SH3BGRL: variants seen among roughly 807,000 people sequenced by gnomAD.
SH3BGRL encodes the protein SH3 domain binding glutamate rich protein like.
Under a neutral mutation model 9.8 loss-of-function variants are expected in SH3BGRL, and 7 were observed. The ratio of observed to expected loss-of-function variants is 0.72; its 90% confidence interval spans 0.41 to 1.35. The LOEUF (loss-of-function observed/expected upper bound fraction) is 1.35, where lower values mean the gene tolerates loss of function less well. Among genes scored for constraint, SH3BGRL ranks in the 40% most tolerant of loss-of-function variants. The pLI is 0.01. For synonymous variants in SH3BGRL, 36 were observed against 29.1 expected, an observed-to-expected ratio of 1.24 and a Z score of -0.76; for missense variants, 73 against 84.4, an observed-to-expected ratio of 0.86 and a Z score of 0.53.
chrX:81,294,995 G>A (rs939550243), intron 3 of SH3BGRL, among the ~76,000 whole-genome samples: 2 of 112,238 alleles, frequency 1.8e-5, no homozygotes, highest in African/African-American at 3.2e-5. Context: ...TGGAACATCT[G>A]TATTTACCCA....
rs534720545 is a variant in SH3BGRL, at chrX:81,223,557, T to C, written c.45+21312T>C. ...GTCTGATGATTTTTTTTTTCTTTTC[T>C]ACCTCTCTTCTCTTTTTAGGAAGCT... On this transcript the variant is annotated intron_variant, in intron 1 of 3. Transcript: ENST00000373212. 2.7e-5 allele frequency among the ~76,000 whole-genome samples: 3 copies of C among 111,506 alleles called. No homozygotes were observed. The South Asian group carries it at 1.1e-3, about 42-fold the overall frequency.
At chrX:81,270,041 G>A (rs1230968796) in intron 1 of SH3BGRL, among the ~76,000 whole-genome samples, 1 of 110,357 alleles carries the variant, frequency 9.1e-6, no homozygotes, top group Non-Finnish European at 1.9e-5. Flanking sequence ...GCTTCACGAA[G>A]TTCTTGTTCT....
At chrX:81,241,087 G>A (rs1039372390) in intron 1 of SH3BGRL, among the ~76,000 whole-genome samples, 5 of 112,816 alleles carry the variant, frequency 4.4e-5, no homozygotes, top group African/African-American at 1.6e-4. Flanking sequence ...CGCTCCTGGT[G>A]CCTGCTCTTG....
At chrX:81,243,919 C>T (rs775350045) in intron 1 of SH3BGRL, among the ~76,000 whole-genome samples, 17 of 111,020 alleles carry the variant, frequency 1.5e-4, no homozygotes, top group South Asian at 1.5e-3. Flanking sequence ...AAATGGTGAA[C>T]GAAATTTGAC....
At chrX:81,276,359 A>G (rs1482889620) in intron 1 of SH3BGRL, among the ~76,000 whole-genome samples, 2 of 108,662 alleles carry the variant, frequency 1.8e-5, no homozygotes, top group African/African-American at 6.7e-5. Flanking sequence ...TTTTGCACCA[A>G]CCTAATACAT....
intron 1 of SH3BGRL, among the ~76,000 whole-genome samples, chrX:81,224,126 C>T (rs1429394032): frequency 8.9e-6 from 1 of 111,935 alleles, no homozygotes; most frequent in Non-Finnish European, 1.9e-5. Context: ...GTTCAATTTC[C>T]AGAAAAATTT....
chrX:81,241,702 A>T (rs1054161327), intron 1 of SH3BGRL, among the ~76,000 whole-genome samples: 1 of 111,236 alleles, frequency 9.0e-6, no homozygotes, highest in Non-Finnish European at 1.9e-5. Context: ...CCCTTTGGGG[A>T]CCCCAGACTT....
At chrX:81,231,980 G>T (rs757864866) in intron 1 of SH3BGRL, among the ~76,000 whole-genome samples, 2 of 110,616 alleles carry the variant, frequency 1.8e-5, no homozygotes, top group African/African-American at 6.6e-5. Flanking sequence ...ACACACACAC[G>T]TATATGTATA....
chrX:81,227,386 T>A (rs1278037902), intron 1 of SH3BGRL, among the ~76,000 whole-genome samples: 2 of 111,864 alleles, frequency 1.8e-5, no homozygotes, highest in African/African-American at 6.5e-5. Flanking sequence ...ACAAACAAAA[T>A]GTTCTGTTCT....
intron 1 of SH3BGRL, among the ~76,000 whole-genome samples, chrX:81,243,330 A>G (rs761780282): frequency 8.9e-6 from 1 of 112,177 alleles, no homozygotes; most frequent in East Asian, 2.8e-4. Flanking sequence ...GGAATCTAAA[A>G]TTCAAAACAA....
At chrX:81,271,031 C>T (rs1250385223) in intron 1 of SH3BGRL, among the ~76,000 whole-genome samples, 2 of 112,298 alleles carry the variant, frequency 1.8e-5, no homozygotes, top group East Asian at 2.8e-4. Context: ...AGCAAGGCTC[C>T]GTGGGCATGG....
chrX:81,248,509 C>G (rs1354726015), intron 1 of SH3BGRL, among the ~76,000 whole-genome samples: 1 of 112,135 alleles, frequency 8.9e-6, no homozygotes, highest in African/African-American at 3.2e-5. Context: ...CTTCCCTACC[C>G]AGGCTTGTGA....
At chrX:81,271,007 C>A (rs1011205537) in intron 1 of SH3BGRL, among the ~76,000 whole-genome samples, 6 of 112,287 alleles carry the variant, frequency 5.3e-5, no homozygotes, top group Non-Finnish European at 1.1e-4. Flanking sequence ...TCTCAGACTG[C>A]TGCACTAGCA....
At chrX:81,215,769 A>G (rs2075579502) in intron 1 of SH3BGRL, among the ~76,000 whole-genome samples, 1 of 111,781 alleles carries the variant, frequency 8.9e-6, no homozygotes, top group Non-Finnish European at 1.9e-5. Flanking sequence ...TTATTAGTTC[A>G]GTTGAACTGT....
At chrX:81,250,445 A>G (rs774813609) in intron 1 of SH3BGRL, among the ~76,000 whole-genome samples, 2 of 111,237 alleles carry the variant, frequency 1.8e-5, no homozygotes, top group Admixed American at 1.9e-4. Context: ...GAAAGAAAAA[A>G]ATAGTCTTAG....
intron 1 of SH3BGRL, among the ~76,000 whole-genome samples, chrX:81,229,247 G>A (rs1484946881): frequency 9.0e-6 from 1 of 111,204 alleles, no homozygotes; most frequent in Non-Finnish European, 1.9e-5. Context: ...GCATGCATAT[G>A]GGCAGGCTGT....
At chrX:81,215,346 C>G (rs772233406) in intron 1 of SH3BGRL, among the ~76,000 whole-genome samples, 27 of 111,082 alleles carry the variant, frequency 2.4e-4, no homozygotes, top group African/African-American at 8.2e-4. Context: ...TAGATAGGTC[C>G]TGCCGATTCT....
chrX:81,238,774 C>A (rs1348597268), intron 1 of SH3BGRL, among the ~76,000 whole-genome samples: 1 of 104,049 alleles, frequency 9.6e-6, no homozygotes, highest in Non-Finnish European at 2.0e-5. Flanking sequence ...TCTGTTCCTA[C>A]CTTTGGGTAG....
chrX:81,253,795 C>A (rs371364719), intron 1 of SH3BGRL, among the ~76,000 whole-genome samples: 1 of 111,974 alleles, frequency 8.9e-6, no homozygotes, highest in East Asian at 2.8e-4. Context: ...GTGGCACTGA[C>A]TGCTTTTGTT....
Sources: gnomAD v4.1 joint callset for allele counts (sites outside exome capture counted in the v4.1 genomes callset) on GRCh38, gnomAD v4.1.1 for gene constraint, MANE v1.5 for transcripts, NCBI Gene and HGNC (gene_info 2026-07-23, HGNC 2026-07-21) for gene names.